CACNA2D3: variants seen among roughly 807,000 people sequenced by gnomAD.
CACNA2D3 encodes voltage-dependent calcium channel subunit alpha-2/delta-3.
In CACNA2D3, 60 loss-of-function variants were observed where a neutral mutation model predicts 160.6. That is an observed-to-expected ratio of 0.37 (90% CI 0.30 to 0.46). The LOEUF (loss-of-function observed/expected upper bound fraction) is 0.46, where lower values mean the gene tolerates loss of function less well. CACNA2D3 is among the 20% of genes least tolerant of loss of function. CACNA2D3 has a pLI of 1.00. For missense variants in CACNA2D3, 1,205 were observed against 1,365.0 expected, an observed-to-expected ratio of 0.88 and a Z score of 1.85; for synonymous variants, 558 against 492.9, an observed-to-expected ratio of 1.13 and a Z score of -1.75.
rs116329630 is a variant in CACNA2D3, at chr3:54,954,851, C to A, written c.2450-13599C>A. On this transcript the variant is annotated intron_variant, in intron 27 of 37. Coordinates refer to ENST00000474759, the MANE Select transcript of CACNA2D3 (RefSeq NM_018398.3). ...TGCCAGGAATCTTCAGAAAGAAGAA[C>A]AACTGGGTTTCAGAGTTATTTCTCA... Among the ~76,000 whole-genome samples, 410 of 152,308 alleles carry A rather than the reference C, an allele frequency of 2.7e-3. 2 individuals carry two copies. Among genetic ancestry groups the A allele is most frequent in the African/African-American group, 9.5e-3 (395 of 41,562 alleles).
intron 2 of CACNA2D3, among the ~76,000 whole-genome samples, chr3:54,174,072 T>C (rs1160471941): frequency 6.6e-6 from 1 of 152,206 alleles, no homozygotes; most frequent in Non-Finnish European, 1.5e-5. Flanking sequence ...AGTTTAGGCT[T>C]TGCAACTCTA....
At chr3:54,950,029 C>A (rs1257703364) in intron 27 of CACNA2D3, among the ~76,000 whole-genome samples, 1 of 152,210 alleles carries the variant, frequency 6.6e-6, no homozygotes, top group East Asian at 1.9e-4. Context: ...AAGTCTACCA[C>A]CTCCAGTGGC....
intron 2 of CACNA2D3, among the ~76,000 whole-genome samples, chr3:54,187,045 A>AATCT (rs899182515): frequency 3.9e-5 from 6 of 152,164 alleles, no homozygotes; most frequent in Non-Finnish European, 8.8e-5. Flanking sequence ...GGAATCAGAT[A>AATCT]ATCTCTCGGC....
In CACNA2D3 at chr3:54,898,538, C is replaced by T. The variant is rs576203393; in HGVS notation, c.2369-1250C>T. Among the ~76,000 whole-genome samples, 168 of 152,300 alleles carry T rather than the reference C, an allele frequency of 1.1e-3. 8 individuals are homozygous for T. In the South Asian group the frequency reaches 0.034, roughly 31 times the overall value. Reference sequence around the variant, plus strand: ...TCTTTCTTTGTGCTTGTCTGCACCACACTTTGTTGCTGAAAATATCAAGAG... The same window carrying T: ...TCTTTCTTTGTGCTTGTCTGCACCATACTTTGTTGCTGAAAATATCAAGAG... On this transcript the variant is annotated intron_variant, in intron 26 of 37. Transcript: ENST00000474759.
chr3:54,830,192 C>T (rs903561715), intron 14 of CACNA2D3, among the ~76,000 whole-genome samples: 7 of 152,128 alleles, frequency 4.6e-5, no homozygotes, highest in Non-Finnish European at 8.8e-5. Flanking sequence ...ATCCACCTGC[C>T]TTGGCCTCCC....
chr3:54,511,588 GTTTGTATT>G (rs1239462681), intron 5 of CACNA2D3, among the ~76,000 whole-genome samples: 1 of 152,122 alleles, frequency 6.6e-6, no homozygotes, highest in Non-Finnish European at 1.5e-5. Flanking sequence ...GATCTAATTT[GTTTGTATT>G]TTTAATCTCT....
chr3:54,253,737 A>G (rs1003973210), intron 2 of CACNA2D3, among the ~76,000 whole-genome samples: 3 of 151,858 alleles, frequency 2.0e-5, no homozygotes, highest in Non-Finnish European at 4.4e-5. Context: ...TGAAATTGGG[A>G]TAATGTACCC....
chr3:54,998,127 CTTTT>C (rs752805359), intron 31 of CACNA2D3, among the ~76,000 whole-genome samples: 2 of 126,980 alleles, frequency 1.6e-5, no homozygotes, highest in Non-Finnish European at 1.6e-5. Context: ...TCAATTAATT[CTTTT>C]TTTTTTTTTT....
rs62967361 is a variant in CACNA2D3 at position 54,386,694 on chromosome 3, GTTTTT to G, written c.322-7_322-3del. ...ATTCTGATCCTTAATGCTGTCTTCT[GTTTTT>G]TTTTTTTTTTTTTAGCGTCTGGTGG... is the stretch of plus-strand genomic sequence containing the variant. On this transcript the variant is annotated splice_polypyrimidine_tract_variant and intron_variant, in intron 3 of 37. Transcript: ENST00000474759. 5.3e-5 allele frequency: 75 copies of G among 1,407,440 alleles called. No individual in the cohort carries two copies. The highest frequency in any genetic ancestry group is 1.2e-4 in the Admixed American group (5 of 40,062). 87.2% of individuals were successfully genotyped at this position (1,407,440 alleles called of 1,614,324 possible).
chr3:54,198,191 G>T lies in CACNA2D3; in HGVS notation c.204+74597G>T, dbSNP rs540047655. 8.5e-5 allele frequency among the ~76,000 whole-genome samples: 13 copies of T among 152,294 alleles called. No homozygotes were observed. In the East Asian group the frequency reaches 1.9e-3, roughly 23 times the overall value. On this transcript the variant is annotated intron_variant, in intron 2 of 37. Coordinates refer to ENST00000474759, the MANE Select transcript of CACNA2D3 (RefSeq NM_018398.3). ...CACTGTCTTTGTGTGTCTTGTCTTT[G>T]TAATACCTAAAAGAGCCCCCATCCT...
intron 2 of CACNA2D3, among the ~76,000 whole-genome samples, chr3:54,226,081 G>A (rs1701665419): frequency 6.6e-6 from 1 of 152,072 alleles, no homozygotes; most frequent in African/African-American, 2.4e-5. Flanking sequence ...GCGTTTACCA[G>A]CGTTTCTCAA....
intron 17 of CACNA2D3, among the ~76,000 whole-genome samples, chr3:54,868,630 T>A (rs1346517026): frequency 6.6e-6 from 1 of 152,118 alleles, no homozygotes; most frequent in Non-Finnish European, 1.5e-5. Flanking sequence ...AGCGCAGGTA[T>A]GAATTTTCGG....
intron 2 of CACNA2D3, among the ~76,000 whole-genome samples, chr3:54,282,770 T>C (rs538058807): frequency 6.6e-6 from 1 of 152,340 alleles, no homozygotes; most frequent in East Asian, 1.9e-4. Flanking sequence ...GAGCACAGGT[T>C]TCAATGTGAG....
intron 11 of CACNA2D3, among the ~76,000 whole-genome samples, chr3:54,705,151 A>G (rs12490327): frequency 0.22 from 33,638 of 152,152 alleles, 3,949 homozygotes; most frequent in Admixed American, 0.29. Context: ...AATGTACTGA[A>G]TACCCACTAT....
chr3:55,067,711 C>T (rs1575460849), intron 35 of CACNA2D3, among the ~76,000 whole-genome samples: 1 of 134,498 alleles, frequency 7.4e-6, no homozygotes, highest in South Asian at 2.5e-4. Flanking sequence ...TACATCCATG[C>T]ATTAGATACA....
intron 27 of CACNA2D3, among the ~76,000 whole-genome samples, chr3:54,917,773 G>A (rs1414137880): frequency 6.6e-6 from 1 of 152,094 alleles, no homozygotes; most frequent in Non-Finnish European, 1.5e-5. Flanking sequence ...CCTTGCATCA[G>A]AAAACTTCCC....
At chr3:54,180,131 G>T (rs1700757147) in intron 2 of CACNA2D3, among the ~76,000 whole-genome samples, 1 of 144,004 alleles carries the variant, frequency 6.9e-6, no homozygotes, top group Admixed American at 6.9e-5. Context: ...CCTTATTTGG[G>T]AAGAAAAGGA....
chr3:54,157,284 C>A (rs1236056321), intron 2 of CACNA2D3, among the ~76,000 whole-genome samples: 1 of 152,220 alleles, frequency 6.6e-6, no homozygotes, highest in Non-Finnish European at 1.5e-5. Context: ...ATAACCTTCT[C>A]AAAGGCTCCA....
chr3:54,385,598 G>A (rs1699174544), intron 3 of CACNA2D3, among the ~76,000 whole-genome samples: 3 of 152,166 alleles, frequency 2.0e-5, no homozygotes, highest in African/African-American at 7.2e-5. Context: ...TGTATGTCCT[G>A]TGGCGAAAGT....
Sources: allele counts gnomAD v4.1 joint callset (sites outside exome capture counted in the v4.1 genomes callset), GRCh38; gene constraint gnomAD v4.1.1; transcripts MANE v1.5; gene names NCBI Gene and HGNC (gene_info 2026-07-23, HGNC 2026-07-21).